The following MGAT5B variants were observed in gnomAD, a reference collection of about 807,000 sequenced individuals.
MGAT5B encodes the protein N-acetylglucosaminyl-transferase Vb.
In MGAT5B, 54 loss-of-function variants were observed where a neutral mutation model predicts 95.1. That is an observed-to-expected ratio of 0.57 (90% CI 0.46 to 0.71). MGAT5B has a LOEUF of 0.71. MGAT5B is among the 30% of genes least tolerant of loss of function. The pLI is 0.00. For missense variants in MGAT5B, 935 were observed against 1,088.6 expected (o/e 0.86, Z 1.99); for synonymous variants, 464 against 451.0 (o/e 1.03, Z -0.36).
In MGAT5B at chr17:76,948,945, C is replaced by T. The variant is rs375337411; in HGVS notation, c.*107C>T. 3 of 1,251,020 alleles carry T rather than the reference C, an allele frequency of 2.4e-6. No homozygotes were observed. Among genetic ancestry groups the T allele is most frequent in the East Asian group, 2.6e-5 (1 of 39,152 alleles). The allele number at this position is 1,251,020 out of a possible 1,614,324, so 77.5% of individuals were successfully genotyped here. ...GCTGCTTGTCCTCCTCGCAACCCCCCCAGGCCGGAGCTTCCTTCCTTAGCC... is the reference window on the plus strand; with the variant it reads ...GCTGCTTGTCCTCCTCGCAACCCCCTCAGGCCGGAGCTTCCTTCCTTAGCC... On this transcript the variant is annotated 3_prime_UTR_variant, in exon 18 of 18. Coordinates refer to ENST00000569840, the MANE Select transcript of MGAT5B (RefSeq NM_001199172.2).
chr17:76,946,306 G>T, intron 15 of MGAT5B, 70 bp from the exon 16 acceptor site: 1 of 1,371,358 alleles, frequency 7.3e-7, no homozygotes, highest in South Asian at 1.3e-5. Context: ...CACCCCCAAT[G>T]CCGAGCATGG....
Position 76,948,751 on chromosome 17 carries a change from C to T in MGAT5B, c.2292C>T (p.Cys764=), listed in dbSNP as rs138649588. ...AGAAGGAGCCTCTGCTCTTCAGCTG[C>T]GCCGGCTCCAACACCAAGTACCGCC... ...YLQKEPLLFS[C]AGSNTKYRRL... The change falls in exon 18 of 18, where the codon TGC becomes TGT. Residue 764 remains cysteine (C), a synonymous_variant. Coordinates refer to ENST00000569840, the MANE Select transcript of MGAT5B (RefSeq NM_001199172.2). 1.6e-5 allele frequency: 25 copies of T among 1,611,478 alleles called. No homozygotes were observed. The highest frequency in any genetic ancestry group is 1.3e-4 in the South Asian group (12 of 90,546).
At chr17:76,876,193 C>T (rs1306401573) in intron 2 of MGAT5B, among the ~76,000 whole-genome samples, 9 of 152,132 alleles carry the variant, frequency 5.9e-5, no homozygotes, top group Non-Finnish European at 1.2e-4. Context: ...TACATCCCCA[C>T]GCAGTGCCTG....
Position 76,881,478 on chromosome 17 carries a change from C to T in MGAT5B, c.182-673C>T, listed in dbSNP as rs146058271. ...AGAGATGGAGTTAGGGCCCAGAGGC[C>T]GGGCAGGAGAAGGAGGGCTGGGGAA... On this transcript the variant is annotated intron_variant, in intron 2 of 17. Coordinates refer to ENST00000569840, the MANE Select transcript of MGAT5B (RefSeq NM_001199172.2). Among the ~76,000 whole-genome samples the T allele has an allele frequency of 6.8e-3, 1,042 of 152,260 alleles. 12 individuals carry two copies. The highest frequency in any genetic ancestry group is 0.024 in the African/African-American group (1,008 of 41,536).
chr17:76,937,103 T>G (rs1969701627), intron 12 of MGAT5B, among the ~76,000 whole-genome samples: 1 of 152,142 alleles, frequency 6.6e-6, no homozygotes, highest in Non-Finnish European at 1.5e-5. Context: ...AGAATTTACT[T>G]TTACTCTTGG....
intron 2 of MGAT5B, among the ~76,000 whole-genome samples, chr17:76,876,249 G>A (rs1967182910): frequency 6.6e-6 from 1 of 152,080 alleles, no homozygotes; most frequent in South Asian, 2.1e-4. Flanking sequence ...TTTCCACTTA[G>A]GAGATGCCTG....
intron 3 of MGAT5B, among the ~76,000 whole-genome samples, chr17:76,887,510 C>CCTCCCTTCCTCT (rs1967695261): frequency 3.1e-5 from 2 of 63,524 alleles, no homozygotes; most frequent in Non-Finnish European, 4.9e-5. Context: ...TCTCTCCCTC[C>CCTCCCTTCCTCT]CTCCCTCCCT....
Position 76,933,400 on chromosome 17 carries a change from C to T in MGAT5B, c.1428+103C>T. On this transcript the variant is annotated intron_variant, in intron 12 of 17. Transcript: ENST00000569840. ...CCTTGTGATGTTCTCCTGACTCAGG[C>T]TCTCTGGGGCTTGTGGCTCCTGTGG... is the stretch of plus-strand genomic sequence containing the variant. 8 of 1,452,000 alleles carry T rather than the reference C, an allele frequency of 5.5e-6. No individual in the cohort carries two copies. In the East Asian group the frequency reaches 1.4e-4, roughly 25 times the overall value. The allele number at this position is 1,452,000 out of a possible 1,614,324, so 89.9% of individuals were successfully genotyped here.
At position 76,906,134 on chromosome 17, in the gene MGAT5B, C is replaced by G. The variant is rs143464770; in HGVS notation, c.972C>G (p.Leu324=). 7 of 1,608,318 alleles carry G rather than the reference C, an allele frequency of 4.4e-6. No homozygotes were observed. Among genetic ancestry groups the G allele is most frequent in the South Asian group, 3.3e-5 (3 of 90,608 alleles). Residue 324 remains leucine, a synonymous_variant, in exon 8 of 18, where the codon CTC becomes CTG. Transcript: ENST00000569840. The surrounding 1 kb of genome is among the most constrained non-coding windows in gnomAD (Gnocchi z 4.6). The stretch of plus-strand genomic sequence containing the variant: ...AGTGGGCGGACATTCTGACTGCACT[C>G]TATGTCCTGGGCCATGGCCTGCGGG... ...MVQWADILTA[L]YVLGHGLRVT... is the part of the protein sequence containing the mutation.
chr17:76,903,181 T>G, intron 4 of MGAT5B, 122 bp from the exon 5 acceptor site: 7 of 756,024 alleles, frequency 9.3e-6, no homozygotes, highest in Non-Finnish European at 1.5e-5. Context: ...GTGCGGCTGA[T>G]GAGCTTTAAG....
intron 1 of MGAT5B, among the ~76,000 whole-genome samples, chr17:76,871,853 C>T (rs890592333): frequency 2.0e-5 from 3 of 152,182 alleles, no homozygotes; most frequent in Non-Finnish European, 4.4e-5. Context: ...AGAAGAGCCC[C>T]AAGGCTGTGC....
At chr17:76,933,822 T>A (rs1969571534) in intron 12 of MGAT5B, among the ~76,000 whole-genome samples, 2 of 152,204 alleles carry the variant, frequency 1.3e-5, no homozygotes, top group Non-Finnish European at 2.9e-5. Flanking sequence ...TCGGGAGGGC[T>A]GGTGTGGCGT....
chr17:76,897,516 C>T (rs1968106603), intron 3 of MGAT5B, among the ~76,000 whole-genome samples: 3 of 152,072 alleles, frequency 2.0e-5, no homozygotes, highest in African/African-American at 7.2e-5. Flanking sequence ...TCTCTGCCTG[C>T]TTCGTCACAT....
chr17:76,874,776 G>A (rs1472031355), intron 2 of MGAT5B, among the ~76,000 whole-genome samples: 1 of 152,130 alleles, frequency 6.6e-6, no homozygotes, highest in Non-Finnish European at 1.5e-5. Context: ...TGCAAGGGGT[G>A]TAGGAGCCCT....
intron 5 of MGAT5B, 89 bp downstream of exon 5, chr17:76,903,465 G>A: frequency 2.9e-6 from 3 of 1,049,952 alleles, no homozygotes; most frequent in Non-Finnish European, 4.1e-6. Context: ...AGCTGGCAGA[G>A]GCCAACCTCA....
intron 2 of MGAT5B, among the ~76,000 whole-genome samples, chr17:76,877,622 T>C (rs952668279): frequency 6.6e-6 from 1 of 152,150 alleles, no homozygotes; most frequent in Non-Finnish European, 1.5e-5. Context: ...GGCCTGTCCT[T>C]GTCTTCTCTG....
At chr17:76,941,158 G>T (rs1207270580) in intron 15 of MGAT5B, among the ~76,000 whole-genome samples, 1 of 152,262 alleles carries the variant, frequency 6.6e-6, no homozygotes, top group Non-Finnish European at 1.5e-5. Context: ...TGAGGGCCAG[G>T]TGCTAACTGA....
chr17:76,882,343 G>A (rs774846593), intron 3 of MGAT5B, 45 bp downstream of exon 3: 15 of 1,503,710 alleles, frequency 1.0e-5, no homozygotes, highest in Non-Finnish European at 1.3e-5. Flanking sequence ...GGGAGCGGTG[G>A]CACCTGCCAC....
At chr17:76,891,299 G>GA (rs1967858561) in intron 3 of MGAT5B, among the ~76,000 whole-genome samples, 1 of 152,146 alleles carries the variant, frequency 6.6e-6, no homozygotes, top group South Asian at 2.1e-4. Context: ...TGCCATTCAT[G>GA]AGGGCTCCAC....
Sources: gnomAD v4.1 joint callset for allele counts (sites outside exome capture counted in the v4.1 genomes callset) on GRCh38, gnomAD v4.1.1 for gene constraint, Gnocchi (gnomAD v3.1) non-coding constraint, MANE v1.5 for transcripts, NCBI Gene and HGNC (gene_info 2026-07-23, HGNC 2026-07-21) for gene names.